NTM: variants seen among roughly 807,000 people sequenced by gnomAD.
NTM encodes IgLON family member 2.
Under a neutral mutation model 42.1 loss-of-function variants are expected in NTM, and 13 were observed. That is an observed-to-expected ratio of 0.31 (90% CI 0.20 to 0.49). The LOEUF is 0.49. Among genes scored for constraint, NTM ranks in the 20% least tolerant of loss-of-function variants. NTM has a pLI of 0.99. For synonymous variants in NTM, 187 were observed against 179.2 expected, an observed-to-expected ratio of 1.04 and a Z score of -0.35; for missense variants, 373 against 452.8, an observed-to-expected ratio of 0.82 and a Z score of 1.60.
At chr11:132,288,828 C>T (rs1414339476) in intron 4 of NTM, among the ~76,000 whole-genome samples, 1 of 152,128 alleles carries the variant, frequency 6.6e-6, no homozygotes, top group Non-Finnish European at 1.5e-5. Context: ...ACCATGTTGG[C>T]CAGGCTGGTC....
rs1274100371 is a variant in NTM, at chr11:132,204,475, CA to C, written c.401-7545del. ...TTAGGAGAGGCAGACAGTTGTGTAG[CA>C]AGCCAGGCAGGCTGGGGGTTCTCTT... On this transcript the variant is annotated intron_variant, in intron 3 of 8. Coordinates refer to ENST00000683400, the MANE Select transcript of NTM (RefSeq NM_001352005.2). 2.0e-5 allele frequency among the ~76,000 whole-genome samples: 3 copies of C among 152,152 alleles called. No homozygotes were observed. The South Asian group carries it at 6.2e-4, about 31-fold the overall frequency.
intron 1 of NTM, among the ~76,000 whole-genome samples, chr11:131,862,249 C>G (rs2046717541): frequency 6.6e-6 from 1 of 152,060 alleles, no homozygotes; most frequent in Admixed American, 6.6e-5. Context: ...ACAACTGGGG[C>G]CAAGAGTACA....
At chr11:132,254,760 G>A (rs111440993) in intron 4 of NTM, among the ~76,000 whole-genome samples, 5 of 152,246 alleles carry the variant, frequency 3.3e-5, no homozygotes, top group African/African-American at 9.6e-5. Flanking sequence ...GGATGGGTTT[G>A]GATGGTTTCC....
intron 1 of NTM, among the ~76,000 whole-genome samples, chr11:131,853,614 ATAC>A (rs1288868012): frequency 6.6e-6 from 1 of 152,202 alleles, no homozygotes; most frequent in Non-Finnish European, 1.5e-5. Context: ...TGGTATAAAT[ATAC>A]TACGTTTTCT....
At chr11:131,904,415 C>T (rs1181287794) in intron 1 of NTM, among the ~76,000 whole-genome samples, 3 of 152,108 alleles carry the variant, frequency 2.0e-5, no homozygotes, top group African/African-American at 7.2e-5. Flanking sequence ...GGCTCAGAAA[C>T]ATTAGAACTG....
At chr11:131,599,673 T>C (rs1421509376) in intron 1 of NTM, among the ~76,000 whole-genome samples, 1 of 152,236 alleles carries the variant, frequency 6.6e-6, no homozygotes, top group Non-Finnish European at 1.5e-5. Context: ...CTCCCTCTTA[T>C]GGCTCACAAC....
At chr11:132,199,907 G>T (rs1001868384) in intron 3 of NTM, among the ~76,000 whole-genome samples, 2 of 151,732 alleles carry the variant, frequency 1.3e-5, no homozygotes, top group African/African-American at 4.8e-5. Flanking sequence ...AAGACATTCG[G>T]TATTTCTAGG....
At chr11:131,815,017 C>T (rs753733983) in intron 1 of NTM, among the ~76,000 whole-genome samples, 3 of 152,126 alleles carry the variant, frequency 2.0e-5, no homozygotes, top group Non-Finnish European at 2.9e-5. Flanking sequence ...TCTGCCAGTC[C>T]GTTTTCTATT....
chr11:132,256,407 C>G (rs1052355982), intron 4 of NTM, among the ~76,000 whole-genome samples: 6 of 152,312 alleles, frequency 3.9e-5, no homozygotes, highest in African/African-American at 1.4e-4. Context: ...ATTTAGAGTG[C>G]GGGCCAACCT....
chr11:132,123,534 A>G (rs182819225), intron 2 of NTM, among the ~76,000 whole-genome samples: 4 of 152,320 alleles, frequency 2.6e-5, no homozygotes. Context: ...CAGGAAGCCA[A>G]GGGTAGCAAT....
chr11:131,513,363 T>C (rs1204092513), intron 1 of NTM, among the ~76,000 whole-genome samples: 1 of 151,952 alleles, frequency 6.6e-6, no homozygotes, highest in Admixed American at 6.6e-5. Flanking sequence ...GGGGTTTCCA[T>C]AGGAGGCACC....
chr11:132,267,636 C>A (rs1273298828), intron 4 of NTM, among the ~76,000 whole-genome samples: 1 of 151,814 alleles, frequency 6.6e-6, no homozygotes, highest in Non-Finnish European at 1.5e-5. Context: ...GCTGAAATGG[C>A]AAAACCCTGT....
At chr11:131,791,896 T>C (rs898611036) in intron 1 of NTM, among the ~76,000 whole-genome samples, 39 of 152,326 alleles carry the variant, frequency 2.6e-4, no homozygotes, top group African/African-American at 9.1e-4. Flanking sequence ...CTCAGGTTAC[T>C]TATCTATAAA....
Position 131,763,709 on chromosome 11 carries a change from C to CTTTTTTTTTTTTTTTTTTTT in NTM, c.83-147848_83-147829dup, listed in dbSNP as rs557522093. On this transcript the variant is annotated intron_variant, in intron 1 of 8. Transcript: ENST00000683400. ...CTTATCCACAGGCCCATCTCTCTCT[C>CTTTTTTTTTTTTTTTTTTTT]TTTTTTTTTTTTTTTTTTTTTTTTT... is the stretch of plus-strand genomic sequence containing the variant. Among the ~76,000 whole-genome samples the CTTTTTTTTTTTTTTTTTTTT allele has an allele frequency of 9.7e-4, 69 of 71,368 alleles. 9 individuals carry two copies. The highest frequency in any genetic ancestry group is 1.4e-3 in the East Asian group (3 of 2,082). The allele number at this position is 71,368 out of a possible 152,430, so 46.8% of individuals were successfully genotyped here.
intron 1 of NTM, among the ~76,000 whole-genome samples, chr11:131,692,830 A>G (rs2074956441): frequency 6.6e-6 from 1 of 152,174 alleles, no homozygotes; most frequent in Non-Finnish European, 1.5e-5. Flanking sequence ...GTTAAAAAGG[A>G]GACTCGATTG....
At chr11:131,969,674 C>G (rs2063284306) in intron 2 of NTM, among the ~76,000 whole-genome samples, 1 of 152,150 alleles carries the variant, frequency 6.6e-6, no homozygotes, top group African/African-American at 2.4e-5. Context: ...CTTTGAAGTT[C>G]TCTTATTATG....
At chr11:131,945,081 A>G (rs1162243443) in intron 2 of NTM, among the ~76,000 whole-genome samples, 1 of 152,218 alleles carries the variant, frequency 6.6e-6, no homozygotes, top group African/African-American at 2.4e-5. Flanking sequence ...CCTTTCACCA[A>G]GCACAAATCC....
chr11:131,907,407 G>A (rs2054023187), intron 1 of NTM, among the ~76,000 whole-genome samples: 1 of 152,174 alleles, frequency 6.6e-6, no homozygotes, highest in South Asian at 2.1e-4. Context: ...AGTACACATG[G>A]CAGGCTCTTC....
chr11:131,464,668 C>T (rs1030136034), intron 1 of NTM, among the ~76,000 whole-genome samples: 1 of 152,182 alleles, frequency 6.6e-6, no homozygotes, highest in African/African-American at 2.4e-5. Context: ...ATGTCTTCCG[C>T]CCCAGTCCTG....
Sources: gnomAD v4.1 joint callset for allele counts (sites outside exome capture counted in the v4.1 genomes callset) on GRCh38, gnomAD v4.1.1 for gene constraint, MANE v1.5 for transcripts, NCBI Gene and HGNC (gene_info 2026-07-23, HGNC 2026-07-21) for gene names.